ADGRL3: variants seen among roughly 807,000 people sequenced by gnomAD.
ADGRL3 encodes the protein adhesion G protein-coupled receptor L3.
ADGRL3 carries 62 observed loss-of-function variants against 153.5 expected under a neutral mutation model. The observed-to-expected ratio is 0.40, with a 90% CI of 0.33 to 0.50. The LOEUF is 0.50. ADGRL3 is among the 20% of genes least tolerant of loss of function. The pLI is 0.47. For synonymous variants in ADGRL3, 710 were observed against 672.5 expected, an observed-to-expected ratio of 1.06 and a Z score of -0.86; for missense variants, 1,641 against 1,859.4, an observed-to-expected ratio of 0.88 and a Z score of 2.16.
chr4:61,446,340 C>A (rs1238001051), intron 2 of ADGRL3, among the ~76,000 whole-genome samples: 1 of 152,138 alleles, frequency 6.6e-6, no homozygotes, highest in Admixed American at 6.5e-5. Context: ...ATTCTTCTAG[C>A]AAATATATTT....
chr4:61,481,545 A>G (rs1465244353), intron 2 of ADGRL3, among the ~76,000 whole-genome samples: 2 of 152,194 alleles, frequency 1.3e-5, no homozygotes, highest in African/African-American at 4.8e-5. Context: ...TCCAAAGCTC[A>G]TAAAATAAAA....
intron 17 of ADGRL3, among the ~76,000 whole-genome samples, chr4:61,962,787 C>A (rs951650636): frequency 2.0e-5 from 3 of 152,018 alleles, no homozygotes. Context: ...TCTGTGGGAA[C>A]GTATTTGGAA....
At chr4:61,810,433 C>G (rs1051438812) in intron 8 of ADGRL3, among the ~76,000 whole-genome samples, 1 of 152,118 alleles carries the variant, frequency 6.6e-6, no homozygotes, top group African/African-American at 2.4e-5. Flanking sequence ...ATGTCTTTCT[C>G]CGTCCTAGTT....
chr4:61,573,681 A>G (rs551853961), intron 4 of ADGRL3, among the ~76,000 whole-genome samples: 2 of 152,102 alleles, frequency 1.3e-5, no homozygotes, highest in South Asian at 4.1e-4. Flanking sequence ...TCTTTGGAGC[A>G]TCTTTGGACA....
At chr4:61,530,151 G>C (rs2098603445) in intron 4 of ADGRL3, among the ~76,000 whole-genome samples, 1 of 152,144 alleles carries the variant, frequency 6.6e-6, no homozygotes, top group African/African-American at 2.4e-5. Flanking sequence ...TTTAGCCACA[G>C]ATTTGGACAT....
At chr4:61,426,446 T>TGG (rs34515984) in intron 2 of ADGRL3, among the ~76,000 whole-genome samples, 1,569 of 152,018 alleles carry the variant, frequency 0.01, 27 homozygotes, top group African/African-American at 0.035. Flanking sequence ...CCATCGGGAA[T>TGG]GGGGGGGTGC....
intron 21 of ADGRL3, among the ~76,000 whole-genome samples, chr4:61,998,841 T>G (rs1290205617): frequency 1.3e-5 from 2 of 152,086 alleles, no homozygotes; most frequent in African/African-American, 4.8e-5. Flanking sequence ...CCTCCCAAAG[T>G]ACTGGGAGTA....
Position 61,371,556 on chromosome 4 carries a change from G to T in ADGRL3, c.-239-11568G>T, listed in dbSNP as rs532102355. 7.9e-5 allele frequency among the ~76,000 whole-genome samples: 12 copies of T among 151,826 alleles called. No homozygotes were observed. In the South Asian group the frequency reaches 1.9e-3, roughly 24 times the overall value. ...TTTTCTTTAAGAATGTTGAATATTG[G>T]CCCCCACTCTCTTCTGGCTTGTAGG... is the stretch of plus-strand genomic sequence containing the variant. On this transcript the variant is annotated intron_variant, in intron 1 of 26. Coordinates refer to ENST00000683033, the MANE Select transcript of ADGRL3 (RefSeq NM_001387552.1).
At chr4:61,930,111 G>A (rs1003903652) in intron 13 of ADGRL3, among the ~76,000 whole-genome samples, 1 of 151,232 alleles carries the variant, frequency 6.6e-6, no homozygotes. Context: ...GGGAGGTGGA[G>A]CTTGCAGTGA....
chr4:61,904,974 A>G (rs1032104346), intron 11 of ADGRL3, among the ~76,000 whole-genome samples: 1 of 152,180 alleles, frequency 6.6e-6, no homozygotes, highest in African/African-American at 2.4e-5. Flanking sequence ...AAGACGGAGA[A>G]GGAAACTTAA....
At position 61,362,690 on chromosome 4, in the gene ADGRL3, T is replaced by C. The variant is rs1011600918; in HGVS notation, c.-239-20434T>C. Reference sequence around the variant, plus strand: ...AAAGGTTTTCAGCCTCGTCTTCACATTGAGTAGGCAGAAGAAGAGTAGGGC... The same window carrying C: ...AAAGGTTTTCAGCCTCGTCTTCACACTGAGTAGGCAGAAGAAGAGTAGGGC... On this transcript the variant is annotated intron_variant, in intron 1 of 26. Transcript: ENST00000683033. 3.9e-5 allele frequency among the ~76,000 whole-genome samples: 6 copies of C among 152,226 alleles called. No homozygotes were observed. The South Asian group carries it at 6.2e-4, about 16-fold the overall frequency.
At chr4:61,284,168 G>T (rs899758381) in intron 1 of ADGRL3, among the ~76,000 whole-genome samples, 7 of 151,886 alleles carry the variant, frequency 4.6e-5, no homozygotes. Context: ...ACAAACAACT[G>T]CCCAAACATG....
intron 1 of ADGRL3, among the ~76,000 whole-genome samples, chr4:61,333,037 C>T (rs887774364): frequency 1.1e-4 from 17 of 151,916 alleles, no homozygotes; most frequent in African/African-American, 2.4e-5. Flanking sequence ...TGTGTGTATG[C>T]CTGTCTTAAC....
At chr4:61,371,332 T>C (rs1052631278) in intron 1 of ADGRL3, among the ~76,000 whole-genome samples, 4 of 151,494 alleles carry the variant, frequency 2.6e-5, no homozygotes, top group Admixed American at 6.6e-5. Flanking sequence ...GTCTCGATGG[T>C]CTTTACATTT....
At chr4:61,671,223 A>T (rs887345057) in intron 5 of ADGRL3, among the ~76,000 whole-genome samples, 54 of 152,342 alleles carry the variant, frequency 3.5e-4, no homozygotes, top group African/African-American at 1.3e-3. Flanking sequence ...TGTGGCAAAT[A>T]GAGGAAAAGT....
intron 2 of ADGRL3, among the ~76,000 whole-genome samples, chr4:61,470,779 T>C (rs1191269251): frequency 6.6e-6 from 1 of 151,944 alleles, no homozygotes; most frequent in Non-Finnish European, 1.5e-5. Context: ...GGGAGGATGA[T>C]AATTCCTACA....
intron 8 of ADGRL3, among the ~76,000 whole-genome samples, chr4:61,744,953 G>A (rs954228035): frequency 2.6e-5 from 4 of 152,060 alleles, no homozygotes; most frequent in African/African-American, 9.7e-5. Context: ...AGGCAAAGAA[G>A]TTGAAAACTT....
chr4:61,936,045 G>A lies in ADGRL3; in HGVS notation c.2419G>A (p.Gly807Arg), dbSNP rs1469598478. Reference sequence around the variant, plus strand: ...TACCTTAAAGCAAAATGGCCGAAATGGTAGGTTAGAGTTTATTTTTTAAGC... The same window carrying A: ...TACCTTAAAGCAAAATGGCCGAAATAGTAGGTTAGAGTTTATTTTTTAAGC... Reference protein sequence around the residue: ...ANTLKQNGRNGEIRVAFVLYN... With the variant: ...ANTLKQNGRNREIRVAFVLYN... The change falls in exon 15 of 27, where the codon GGA becomes AGA. Residue 807 changes from glycine (G) to arginine (R), a missense_variant and splice_region_variant. By Grantham distance (125) the Gly-to-Arg change is moderately radical. This residue lies in a region of ADGRL3 where 734 missense variants were observed against 797.0 expected (regional missense o/e 0.92). Coordinates refer to ENST00000683033, the MANE Select transcript of ADGRL3 (RefSeq NM_001387552.1). 1 of 1,610,390 alleles carries A rather than the reference G, an allele frequency of 6.2e-7. No homozygotes were observed. The highest frequency in any genetic ancestry group is 8.5e-7 in the Non-Finnish European group (1 of 1,178,358).
intron 22 of ADGRL3, among the ~76,000 whole-genome samples, chr4:62,030,564 T>C (rs1721469908): frequency 6.6e-6 from 1 of 151,616 alleles, no homozygotes; most frequent in Admixed American, 6.6e-5. Context: ...TACCTGCTTA[T>C]ACTCTTGCAA....
Sources: gnomAD v4.1 joint callset for allele counts (sites outside exome capture counted in the v4.1 genomes callset) on GRCh38, gnomAD v4.1.1 for gene constraint, gnomAD v4.1.1 regional missense constraint, MANE v1.5 for transcripts, NCBI Gene and HGNC (gene_info 2026-07-23, HGNC 2026-07-21) for gene names.